KCNJ1: variants seen among roughly 807,000 people sequenced by gnomAD.
KCNJ1 encodes the protein potassium inwardly rectifying channel subfamily J member 1.
A neutral mutation model predicts 21.9 loss-of-function variants in KCNJ1; 24 were observed. The observed-to-expected ratio is 1.10, with a 90% CI of 0.79 to 1.54. The LOEUF is 1.54. KCNJ1 is among the 40% of genes most tolerant of loss of function. The probability of loss-of-function intolerance (pLI) is 0.00; values close to 1 mark genes in which losing one functional copy is unlikely to be tolerated. For synonymous variants in KCNJ1, 152 were observed against 160.9 expected (o/e 0.94, Z 0.42); for missense variants, 457 against 455.4 (o/e 1.00, Z -0.03).
rs1380025163 is a variant in KCNJ1, at chr11:128,839,693, C to G, written c.551G>C (p.Arg184Pro). ...GATTAGGAGGCAAAGCTTCCCTCCC[C>G]GTTTGCTGATCACTGCGTTCTTGCT... ...TFSKNAVISK[R>P]GGKLCLLIRV... Residue 184 changes from arginine to proline, a missense_variant, in exon 3 of 3, where the codon CGG (arginine) becomes CCG (proline). By Grantham distance (103) the Arg-to-Pro change is moderately radical. Transcript: ENST00000392666. 1 of 1,613,080 alleles carries G rather than the reference C, an allele frequency of 6.2e-7. No homozygotes were observed. The highest frequency in any genetic ancestry group is 2.2e-5 in the East Asian group (1 of 44,890).
intron 1 of KCNJ1, among the ~76,000 whole-genome samples, chr11:128,857,332 T>A (rs367745029): frequency 1.3e-5 from 2 of 152,218 alleles, no homozygotes; most frequent in East Asian, 3.9e-4. Flanking sequence ...AGAGTGGCTG[T>A]CAGGTTGGTT....
chr11:128,852,473 G>A (rs758738961), intron 1 of KCNJ1, among the ~76,000 whole-genome samples: 2 of 152,272 alleles, frequency 1.3e-5, no homozygotes, highest in East Asian at 1.9e-4. Flanking sequence ...TACCAGTTTC[G>A]GCTTGGGTTC....
intron 2 of KCNJ1, among the ~76,000 whole-genome samples, chr11:128,849,007 A>G (rs1943433826): frequency 6.6e-6 from 1 of 152,204 alleles, no homozygotes. Context: ...CTCAGTGAAC[A>G]GCGCCCCCTG....
chr11:128,852,009 G>A (rs1943486018), intron 1 of KCNJ1, among the ~76,000 whole-genome samples: 1 of 152,190 alleles, frequency 6.6e-6, no homozygotes, highest in Non-Finnish European at 1.5e-5. Context: ...CCCAACAAGT[G>A]GCCTATGGGG....
chr11:128,852,697 A>G (rs1342138621), intron 1 of KCNJ1, among the ~76,000 whole-genome samples: 1 of 152,178 alleles, frequency 6.6e-6, no homozygotes, highest in African/African-American at 2.4e-5. Context: ...CCCCATCCTC[A>G]TTACCGGGCA....
At chr11:128,857,141 T>G (rs1943604917) in intron 1 of KCNJ1, among the ~76,000 whole-genome samples, 1 of 152,210 alleles carries the variant, frequency 6.6e-6, no homozygotes, top group Non-Finnish European at 1.5e-5. Flanking sequence ...CTTCGGCACC[T>G]GCTGCTTCCT....
intron 2 of KCNJ1, among the ~76,000 whole-genome samples, chr11:128,844,217 G>A (rs1437944638): frequency 6.6e-6 from 1 of 152,180 alleles, no homozygotes; most frequent in Non-Finnish European, 1.5e-5. Flanking sequence ...GTAGTCTTCT[G>A]TGTGACCCAG....
At chr11:128,849,088 G>T in intron 2 of KCNJ1, among the ~76,000 whole-genome samples, 1 of 152,182 alleles carries the variant, frequency 6.6e-6, no homozygotes, top group East Asian at 1.9e-4. Flanking sequence ...AGTGTCATCC[G>T]AGGCACGGAT....
At position 128,838,966 on chromosome 11, in the gene KCNJ1, C is replaced by T; in HGVS notation, c.*159G>A. ...ACAGTAGCCTTGTGGAGATGCATGT[C>T]TTGTGGGATCACAATTGCGGGGCTC... On this transcript the variant is annotated 3_prime_UTR_variant, in exon 3 of 3. Coordinates refer to ENST00000392666, the MANE Select transcript of KCNJ1 (RefSeq NM_153766.3). 3.0e-6 allele frequency: 2 copies of T among 663,540 alleles called. No individual in the cohort carries two copies. The highest frequency in any genetic ancestry group is 5.3e-6 in the Non-Finnish European group (2 of 377,276). The allele number at this position is 663,540 out of a possible 1,614,324, so 41.1% of individuals were successfully genotyped here.
intron 1 of KCNJ1, among the ~76,000 whole-genome samples, chr11:128,857,090 C>T (rs995861675): frequency 6.6e-6 from 1 of 152,156 alleles, no homozygotes; most frequent in Non-Finnish European, 1.5e-5. Flanking sequence ...ATGTTCCCAC[C>T]CCCTCTGCTC....
chr11:128,853,098 A>G (rs73575690), intron 1 of KCNJ1, among the ~76,000 whole-genome samples: 14,419 of 152,336 alleles, frequency 0.095, 1,102 homozygotes, highest in African/African-American at 0.22. Context: ...TTTCAGTCTC[A>G]AAGACGTTCC....
chr11:128,839,029 C>A lies in KCNJ1; in HGVS notation c.*96G>T, dbSNP rs538273867. ...GCTGGTAGACTTTGAAGGCTCTCATCCTACTTTCGTACCCCTAAATTGTTG... is the reference window on the plus strand; with the variant it reads ...GCTGGTAGACTTTGAAGGCTCTCATACTACTTTCGTACCCCTAAATTGTTG... On this transcript the variant is annotated 3_prime_UTR_variant, in exon 3 of 3. Transcript: ENST00000392666. 9 of 1,110,480 alleles carry A rather than the reference C, an allele frequency of 8.1e-6. No individual in the cohort carries two copies. The highest frequency in any genetic ancestry group is 1.6e-5 in the African/African-American group (1 of 62,826). The allele number at this position is 1,110,480 out of a possible 1,614,324, so 68.8% of individuals were successfully genotyped here. A position where few individuals can be genotyped will look rare whatever the true frequency, so the allele number is the denominator to read the frequency against.
chr11:128,842,666 G>T, intron 2 of KCNJ1: 2 of 662,510 alleles, frequency 3.0e-6, no homozygotes, highest in Non-Finnish European at 2.4e-6. Flanking sequence ...ATACCAACAT[G>T]CTAAGACATG....
intron 1 of KCNJ1, among the ~76,000 whole-genome samples, chr11:128,861,829 C>G (rs879752395): frequency 2.0e-5 from 3 of 152,218 alleles, no homozygotes; most frequent in Admixed American, 6.5e-5. Flanking sequence ...AAAACCCAAG[C>G]TTCTTCCTGA....
intron 1 of KCNJ1, among the ~76,000 whole-genome samples, chr11:128,865,596 T>G (rs1230156245): frequency 1.3e-5 from 2 of 152,046 alleles, no homozygotes; most frequent in East Asian, 3.9e-4. Flanking sequence ...ACCCTCAGGA[T>G]CAAACTGCCA....
Position 128,841,498 on chromosome 11 carries a change from G to A in KCNJ1, c.-21-1234C>T, listed in dbSNP as rs370471935. On this transcript the variant is annotated intron_variant, in intron 2 of 2. Transcript: ENST00000392666. ...AGTGGTGAAACCCAAAGTCATAAAC[G>A]CTAGATTACCTCCTCCCCCATGCCC... Among the ~76,000 whole-genome samples the A allele has an allele frequency of 7.1e-4, 108 of 152,218 alleles. 2 individuals carry two copies. The South Asian group carries it at 0.022, about 31-fold the overall frequency.
rs34191956 is a variant in KCNJ1, at chr11:128,842,402, G to A, written c.-21-2138C>T. ...CTTACCAACGTGTCAAACACATTCCGACTGGAAGCATTCATGGCTGGAAAA... is the reference window on the plus strand; with the variant it reads ...CTTACCAACGTGTCAAACACATTCCAACTGGAAGCATTCATGGCTGGAAAA... On this transcript the variant is annotated intron_variant, in intron 2 of 2. Coordinates refer to ENST00000392666, the MANE Select transcript of KCNJ1 (RefSeq NM_153766.3). 1.5e-4 allele frequency: 248 copies of A among 1,613,626 alleles called. 1 individual carries two copies. The African/African-American group carries it at 2.4e-3, about 16-fold the overall frequency.
Position 128,839,490 on chromosome 11 carries a change from C to T in KCNJ1, c.754G>A (p.Val252Ile), listed in dbSNP as rs749023367. The T allele has an allele frequency of 6.2e-7, 1 of 1,614,202 alleles. No homozygotes were observed. The highest frequency in any genetic ancestry group is 1.7e-5 in the Admixed American group (1 of 60,026). ...FFISPLTIYHVIDHNSPFFHM... is the reference protein window; with the variant it reads ...FFISPLTIYHIIDHNSPFFHM... ...AAGAAAGGGCTGTTGTGATCAATGA[C>T]ATGGTAAATTGTCAATGGGGAGATG... Residue 252 changes from valine (V) to isoleucine (I), a missense_variant, in exon 3 of 3, where the codon GTC becomes ATC. By Grantham distance (29) the Val-to-Ile change is conservative. Coordinates refer to ENST00000392666, the MANE Select transcript of KCNJ1 (RefSeq NM_153766.3).
intron 1 of KCNJ1, among the ~76,000 whole-genome samples, chr11:128,864,558 A>C: frequency 6.6e-6 from 1 of 152,172 alleles, no homozygotes; most frequent in Non-Finnish European, 1.5e-5. Context: ...ATTTCACAGC[A>C]GTACTAATAC....
Sources: gnomAD v4.1 joint callset for allele counts (sites outside exome capture counted in the v4.1 genomes callset) on GRCh38, gnomAD v4.1.1 for gene constraint, MANE v1.5 for transcripts, NCBI Gene and HGNC (gene_info 2026-07-23, HGNC 2026-07-21) for gene names.